TMEM132C: variants seen among roughly 807,000 people sequenced by gnomAD.
The protein encoded by TMEM132C is protein phosphatase 1, regulatory subunit 152.
In TMEM132C, 29 loss-of-function variants were observed where a neutral mutation model predicts 61.4. The observed-to-expected ratio is 0.47, with a 90% CI of 0.35 to 0.64. TMEM132C has a LOEUF of 0.64. Among genes scored for constraint, TMEM132C ranks in the 30% least tolerant of loss-of-function variants. The pLI, the probability that TMEM132C is intolerant of heterozygous loss-of-function variation, is 0.00. For synonymous variants in TMEM132C, 656 were observed against 633.1 expected (o/e 1.04, Z -0.54); for missense variants, 1,408 against 1,476.9 (o/e 0.95, Z 0.76).
intron 5 of TMEM132C, among the ~76,000 whole-genome samples, chr12:128,683,626 A>G (rs982287011): frequency 6.6e-6 from 1 of 152,224 alleles, no homozygotes; most frequent in Non-Finnish European, 1.5e-5. Flanking sequence ...AAAGGAATCC[A>G]CACATATAAA....
chr12:128,458,272 T>TTA lies in TMEM132C; in HGVS notation c.974+42655_974+42656dup, dbSNP rs1555225554. On this transcript the variant is annotated intron_variant, in intron 2 of 8. Transcript: ENST00000435159. ...AATATTTAGTATTATAATTATATAA[T>TTA]TATAATATTTAGTATTGTAATTATA... is the stretch of plus-strand genomic sequence containing the variant. 3.7e-5 allele frequency among the ~76,000 whole-genome samples: 5 copies of TTA among 135,414 alleles called. No homozygotes were observed. In the East Asian group the frequency reaches 6.4e-4, roughly 17 times the overall value. The allele number at this position is 135,414 out of a possible 152,430, so 88.8% of individuals were successfully genotyped here. A position where few individuals can be genotyped will look rare whatever the true frequency, so the allele number is the denominator to read the frequency against.
chr12:128,346,916 G>T (rs949714444), intron 1 of TMEM132C, among the ~76,000 whole-genome samples: 16 of 152,132 alleles, frequency 1.1e-4, no homozygotes, highest in Admixed American at 3.9e-4. Flanking sequence ...TCAAAATCAG[G>T]AACTCTTTTT....
chr12:128,480,652 T>TAC (rs1242085672), intron 2 of TMEM132C, among the ~76,000 whole-genome samples: 8 of 151,812 alleles, frequency 5.3e-5, no homozygotes, highest in Non-Finnish European at 1.2e-4. Context: ...GAGCTGAATT[T>TAC]TGGGAATTCC....
chr12:128,577,807 C>A (rs996301135), intron 3 of TMEM132C, among the ~76,000 whole-genome samples: 2 of 152,206 alleles, frequency 1.3e-5, no homozygotes, highest in Non-Finnish European at 2.9e-5. Flanking sequence ...AAGCAGGTAC[C>A]TGCCCTTTTA....
chr12:128,521,880 C>T (rs1222882513), intron 2 of TMEM132C, among the ~76,000 whole-genome samples: 1 of 152,186 alleles, frequency 6.6e-6, no homozygotes, highest in African/African-American at 2.4e-5. Context: ...CTATCAACGG[C>T]TTCTTGTTCA....
chr12:128,352,146 A>C (rs762167692), intron 1 of TMEM132C, among the ~76,000 whole-genome samples: 1 of 152,174 alleles, frequency 6.6e-6, no homozygotes, highest in Non-Finnish European at 1.5e-5. Context: ...CTGTTCTCAC[A>C]CTGCTAATAA....
intron 4 of TMEM132C, among the ~76,000 whole-genome samples, chr12:128,625,178 A>G (rs1954003200): frequency 6.6e-6 from 1 of 152,176 alleles, no homozygotes; most frequent in Non-Finnish European, 1.5e-5. Flanking sequence ...GAAACTGAGC[A>G]TTTTCTTCCT....
chr12:128,353,338 G>A (rs560724536), intron 1 of TMEM132C, among the ~76,000 whole-genome samples: 2 of 152,284 alleles, frequency 1.3e-5, no homozygotes, highest in African/African-American at 2.4e-5. Flanking sequence ...AAGGTTTCCT[G>A]CCATCTAGGT....
intron 5 of TMEM132C, among the ~76,000 whole-genome samples, chr12:128,685,346 T>C (rs1156639956): frequency 1.3e-5 from 2 of 152,214 alleles, no homozygotes; most frequent in Non-Finnish European, 2.9e-5. Flanking sequence ...GATTGCAATT[T>C]ATTCTTGCTT....
intron 1 of TMEM132C, among the ~76,000 whole-genome samples, chr12:128,271,305 T>A (rs1007049594): frequency 1.0e-4 from 14 of 133,634 alleles, no homozygotes; most frequent in East Asian, 6.3e-4. Context: ...ATAATAATAA[T>A]AAAATGAAAT....
intron 3 of TMEM132C, among the ~76,000 whole-genome samples, chr12:128,597,064 T>C (rs1181180061): frequency 6.6e-6 from 1 of 152,178 alleles, no homozygotes; most frequent in Admixed American, 6.5e-5. Flanking sequence ...CTCCACCTTT[T>C]CCTCAATTTA....
At chr12:128,656,613 C>A (rs1372627094) in intron 4 of TMEM132C, among the ~76,000 whole-genome samples, 6 of 152,216 alleles carry the variant, frequency 3.9e-5, no homozygotes, top group South Asian at 2.1e-4. Flanking sequence ...GCCCCACCAA[C>A]CTTCAGAGTT....
chr12:128,541,166 TA>T (rs1185556172), intron 2 of TMEM132C, among the ~76,000 whole-genome samples: 2 of 152,124 alleles, frequency 1.3e-5, no homozygotes, highest in Non-Finnish European at 2.9e-5. Context: ...ACTGGTTTAT[TA>T]AAAAGGATGT....
chr12:128,703,939 G>T (rs1384851224), intron 8 of TMEM132C, among the ~76,000 whole-genome samples: 1 of 152,182 alleles, frequency 6.6e-6, no homozygotes, highest in East Asian at 1.9e-4. Flanking sequence ...ACTCTTGGAA[G>T]CAGAATAGAA....
chr12:128,657,035 C>A (rs142907895), intron 4 of TMEM132C, among the ~76,000 whole-genome samples: 1 of 152,250 alleles, frequency 6.6e-6, no homozygotes, highest in Non-Finnish European at 1.5e-5. Context: ...AGAAACCAGA[C>A]GTGTGTTTCC....
intron 6 of TMEM132C, 76 bp from the exon 7 acceptor site, chr12:128,695,754 G>T (rs917393166): frequency 6.9e-7 from 1 of 1,444,754 alleles, no homozygotes. Context: ...TGAGGTTGAG[G>T]TGAGCGCCTG....
chr12:128,617,086 C>T (rs940222743), intron 4 of TMEM132C, among the ~76,000 whole-genome samples: 12 of 152,282 alleles, frequency 7.9e-5, no homozygotes, highest in African/African-American at 2.9e-4. Flanking sequence ...CATTATCGGG[C>T]ATGCAGATCA....
At chr12:128,491,819 C>G (rs914124048) in intron 2 of TMEM132C, among the ~76,000 whole-genome samples, 2 of 151,724 alleles carry the variant, frequency 1.3e-5, no homozygotes, top group African/African-American at 4.8e-5. Context: ...TCTTATGGAC[C>G]ACTTGCCAGT....
At chr12:128,375,761 A>C (rs1874173347) in intron 1 of TMEM132C, among the ~76,000 whole-genome samples, 1 of 152,170 alleles carries the variant, frequency 6.6e-6, no homozygotes, top group African/African-American at 2.4e-5. Flanking sequence ...ACCCAAGGGA[A>C]GTGTGGGAAT....
Sources: allele counts gnomAD v4.1 joint callset (sites outside exome capture counted in the v4.1 genomes callset), GRCh38; gene constraint gnomAD v4.1.1; transcripts MANE v1.5; gene names NCBI Gene and HGNC (gene_info 2026-07-23, HGNC 2026-07-21).